The following PXDNL variants were observed in gnomAD, a reference collection of about 807,000 sequenced individuals.
PXDNL encodes the protein peroxidasin like.
A neutral mutation model predicts 150.8 loss-of-function variants in PXDNL; 145 were observed. The observed-to-expected ratio is 0.96, with a 90% CI of 0.84 to 1.10. The LOEUF is 1.10. PXDNL is among the 50% of genes least tolerant of loss of function. The pLI is 0.00. For missense variants in PXDNL, 2,087 were observed against 1,873.9 expected, an observed-to-expected ratio of 1.11 and a Z score of -2.10; for synonymous variants, 757 against 725.7, an observed-to-expected ratio of 1.04 and a Z score of -0.69.
chr8:51,790,556 C>T (rs1002140340), intron 1 of PXDNL, among the ~76,000 whole-genome samples: 1 of 152,106 alleles, frequency 6.6e-6, no homozygotes, highest in Non-Finnish European at 1.5e-5. Flanking sequence ...CAACTAAGGG[C>T]AGCATTATTT....
intron 11 of PXDNL, among the ~76,000 whole-genome samples, chr8:51,448,124 C>G (rs1321801506): frequency 1.3e-5 from 2 of 152,158 alleles, no homozygotes; most frequent in African/African-American, 4.8e-5. Context: ...TATTTCGTAC[C>G]TGAACTAATA....
intron 3 of PXDNL, among the ~76,000 whole-genome samples, chr8:51,558,292 T>A (rs1282213153): frequency 6.6e-6 from 1 of 152,090 alleles, no homozygotes; most frequent in Admixed American, 6.6e-5. Flanking sequence ...GACATTGAGA[T>A]TCTTCATAGC....
In PXDNL at chr8:51,644,406, ATGTG is replaced by A. The variant is rs762186860; in HGVS notation, c.236+10279_236+10282del. Among the ~76,000 whole-genome samples the A allele has an allele frequency of 5.1e-4, 12 of 23,366 alleles. No homozygotes were observed. In the East Asian group the frequency reaches 0.014, roughly 27 times the overall value. 15.3% of individuals were successfully genotyped at this position (23,366 alleles called of 152,430 possible). A position where few individuals can be genotyped will look rare whatever the true frequency, so the allele number is the denominator to read the frequency against. ...CACACATATGTGTATATATATACAC[ATGTG>A]TGTGTATATATATACACATATGTGT... On this transcript the variant is annotated intron_variant, in intron 2 of 22. Transcript: ENST00000356297.
intron 1 of PXDNL, among the ~76,000 whole-genome samples, chr8:51,804,994 C>G (rs1297576833): frequency 6.6e-6 from 1 of 151,790 alleles, no homozygotes; most frequent in Non-Finnish European, 1.5e-5. Context: ...GCCCTTCCTT[C>G]CAGAACAGCC....
chr8:51,627,204 GATTCTGGATAA>G (rs1814379835), intron 2 of PXDNL, among the ~76,000 whole-genome samples: 1 of 152,080 alleles, frequency 6.6e-6, no homozygotes, highest in Non-Finnish European at 1.5e-5. Context: ...TGCTTCCAGC[GATTCTGGATAA>G]ATTTGAATAC....
intron 21 of PXDNL, among the ~76,000 whole-genome samples, chr8:51,338,259 T>C (rs183398961): frequency 1.3e-3 from 189 of 150,842 alleles, no homozygotes; most frequent in Admixed American, 3.5e-3. Flanking sequence ...TCTGGTCAAG[T>C]GAAGGCACTG....
chr8:51,637,383 T>G (rs1175189738), intron 2 of PXDNL, among the ~76,000 whole-genome samples: 3 of 152,104 alleles, frequency 2.0e-5, no homozygotes, highest in Admixed American at 6.6e-5. Flanking sequence ...GAAGAAGGCT[T>G]CAGACGATCA....
chr8:51,707,813 A>G (rs1816411694), intron 1 of PXDNL, among the ~76,000 whole-genome samples: 1 of 152,154 alleles, frequency 6.6e-6, no homozygotes, highest in Non-Finnish European at 1.5e-5. Context: ...TTAACATAAT[A>G]TCTTTCAGGT....
intron 12 of PXDNL, among the ~76,000 whole-genome samples, chr8:51,430,370 C>T (rs974393536): frequency 7.9e-5 from 12 of 152,158 alleles, no homozygotes; most frequent in East Asian, 3.8e-4. Context: ...GAATCCCAAG[C>T]GGCTAACTGG....
At chr8:51,668,323 C>T (rs558424390) in intron 1 of PXDNL, among the ~76,000 whole-genome samples, 7 of 151,712 alleles carry the variant, frequency 4.6e-5, no homozygotes, top group Non-Finnish European at 8.8e-5. Flanking sequence ...TACAGGCGAG[C>T]ACCACCACAC....
At chr8:51,638,267 C>A (rs1213173445) in intron 2 of PXDNL, among the ~76,000 whole-genome samples, 1 of 152,106 alleles carries the variant, frequency 6.6e-6, no homozygotes, top group Non-Finnish European at 1.5e-5. Flanking sequence ...TAAAGACCAT[C>A]GAGGCTAGGA....
chr8:51,427,033 G>C (rs1182398450), intron 12 of PXDNL, among the ~76,000 whole-genome samples: 1 of 152,148 alleles, frequency 6.6e-6, no homozygotes, highest in Non-Finnish European at 1.5e-5. Flanking sequence ...TGAGCTGTGG[G>C]TACAGGACTT....
At chr8:51,676,845 A>G (rs1366397165) in intron 1 of PXDNL, among the ~76,000 whole-genome samples, 1 of 152,234 alleles carries the variant, frequency 6.6e-6, no homozygotes, top group African/African-American at 2.4e-5. Context: ...TGATTAATGA[A>G]AAAGAAGAAG....
rs541442428 is a variant in PXDNL at position 51,403,865 on chromosome 8, G to A, written c.3557+4202C>T. 5.9e-5 allele frequency among the ~76,000 whole-genome samples: 9 copies of A among 152,278 alleles called. No homozygotes were observed. In the South Asian group the frequency reaches 6.2e-4, roughly 11 times the overall value. Reference sequence around the variant, plus strand: ...TCACTGACTTCAAGAATGAACTTGCGGACCCTCACGGTGAGTGTTACAGGT... The same window carrying A: ...TCACTGACTTCAAGAATGAACTTGCAGACCCTCACGGTGAGTGTTACAGGT... On this transcript the variant is annotated intron_variant, in intron 17 of 22. Coordinates refer to ENST00000356297, the MANE Select transcript of PXDNL (RefSeq NM_144651.5).
chr8:51,567,325 T>C (rs1279624467), intron 3 of PXDNL, among the ~76,000 whole-genome samples: 2 of 151,818 alleles, frequency 1.3e-5, no homozygotes, highest in African/African-American at 2.4e-5. Flanking sequence ...TTCAACTTAC[T>C]AGTTTTCTGC....
chr8:51,449,134 C>A lies in PXDNL; in HGVS notation c.1250-16G>T. On this transcript the variant is annotated splice_polypyrimidine_tract_variant and intron_variant, in intron 10 of 22. Coordinates refer to ENST00000356297, the MANE Select transcript of PXDNL (RefSeq NM_144651.5). The stretch of plus-strand genomic sequence containing the variant: ...TGTGGAGGAGCTAAAGAGAATGAAA[C>A]ATACATCAAAATTGAAAATTATTTT... The A allele has an allele frequency of 7.3e-7, 1 of 1,367,788 alleles. No homozygotes were observed. The highest frequency in any genetic ancestry group is 1.0e-6 in the Non-Finnish European group (1 of 998,990). The allele number at this position is 1,367,788 out of a possible 1,614,324, so 84.7% of individuals were successfully genotyped here.
chr8:51,415,449 G>A (rs1808770670), intron 14 of PXDNL, among the ~76,000 whole-genome samples: 1 of 152,088 alleles, frequency 6.6e-6, no homozygotes, highest in Non-Finnish European at 1.5e-5. Context: ...GAGAGCAAAG[G>A]GAGAGAGGCT....
intron 1 of PXDNL, among the ~76,000 whole-genome samples, chr8:51,659,871 A>G (rs1241631244): frequency 7.0e-6 from 1 of 142,804 alleles, no homozygotes; most frequent in Admixed American, 6.8e-5. Context: ...TTATTTATTT[A>G]TTTATTTATT....
At chr8:51,777,127 T>C (rs537118418) in intron 1 of PXDNL, among the ~76,000 whole-genome samples, 2 of 152,232 alleles carry the variant, frequency 1.3e-5, no homozygotes, top group Non-Finnish European at 2.9e-5. Context: ...ATTTAATATA[T>C]GCAAAATGGG....
Sources: gnomAD v4.1 joint callset for allele counts (sites outside exome capture counted in the v4.1 genomes callset) on GRCh38, gnomAD v4.1.1 for gene constraint, MANE v1.5 for transcripts, NCBI Gene and HGNC (gene_info 2026-07-23, HGNC 2026-07-21) for gene names.